The following KITLG variants were observed in gnomAD, a reference collection of about 807,000 sequenced individuals.
The protein encoded by KITLG is KIT ligand.
Under a neutral mutation model 34.1 loss-of-function variants are expected in KITLG, and 13 were observed. The observed-to-expected ratio is 0.38, with a 90% CI of 0.25 to 0.61. The LOEUF is 0.61. Ranked by LOEUF, KITLG falls within the 20% of genes least tolerant of loss-of-function variation. The pLI, the probability that KITLG is intolerant of heterozygous loss-of-function variation, is 0.60. For missense variants in KITLG, 292 were observed against 318.9 expected (o/e 0.92, Z 0.64); for synonymous variants, 110 against 104.0 (o/e 1.06, Z -0.35).
intron 1 of KITLG, among the ~76,000 whole-genome samples, chr12:88,548,912 C>T (rs1240748996): frequency 6.6e-6 from 1 of 152,150 alleles, no homozygotes; most frequent in African/African-American, 2.4e-5. Flanking sequence ...TAACTGTACT[C>T]TTTTCTTTCC....
chr12:88,517,755 G>A (rs1391897962), intron 4 of KITLG, among the ~76,000 whole-genome samples: 1 of 152,106 alleles, frequency 6.6e-6, no homozygotes, highest in Non-Finnish European at 1.5e-5. Context: ...GTAGTGATTG[G>A]ATTATTAGTA....
intron 1 of KITLG, among the ~76,000 whole-genome samples, chr12:88,571,878 C>T (rs370048774): frequency 6.6e-6 from 1 of 152,134 alleles, no homozygotes; most frequent in East Asian, 1.9e-4. Context: ...GTCTCTTTTG[C>T]AATAAACACC....
At chr12:88,530,261 TAACCC>T (rs1247239415) in intron 3 of KITLG, among the ~76,000 whole-genome samples, 1 of 152,166 alleles carries the variant, frequency 6.6e-6, no homozygotes, top group Non-Finnish European at 1.5e-5. Flanking sequence ...TCACTTTCCG[TAACCC>T]AGGGTTAAGA....
chr12:88,555,573 A>ATAGG (rs1337466395), intron 1 of KITLG, among the ~76,000 whole-genome samples: 1 of 152,226 alleles, frequency 6.6e-6, no homozygotes, highest in African/African-American at 2.4e-5. Context: ...CAGAAGGCAT[A>ATAGG]TAGGTCTCTT....
At chr12:88,560,717 C>T (rs1387013887) in intron 1 of KITLG, among the ~76,000 whole-genome samples, 1 of 152,116 alleles carries the variant, frequency 6.6e-6, no homozygotes, top group Non-Finnish European at 1.5e-5. Flanking sequence ...CGCCTGTAAT[C>T]CCAGCACTTT....
chr12:88,575,316 A>G (rs1215191161), intron 1 of KITLG, among the ~76,000 whole-genome samples: 1 of 152,210 alleles, frequency 6.6e-6, no homozygotes. Flanking sequence ...AAATGTAGCC[A>G]AAGGACAAAG....
intron 1 of KITLG, among the ~76,000 whole-genome samples, chr12:88,574,324 G>A (rs1312906191): frequency 1.3e-5 from 2 of 151,940 alleles, no homozygotes; most frequent in African/African-American, 2.4e-5. Flanking sequence ...AAAGGGCTAC[G>A]GCTAGCTGCT....
intron 3 of KITLG, among the ~76,000 whole-genome samples, chr12:88,525,943 G>A (rs1869846802): frequency 6.6e-6 from 1 of 152,192 alleles, no homozygotes; most frequent in African/African-American, 2.4e-5. Flanking sequence ...TGACCACTAA[G>A]ATGGGTTAAG....
chr12:88,528,499 C>CA (rs1421761464), intron 3 of KITLG, among the ~76,000 whole-genome samples: 1 of 151,716 alleles, frequency 6.6e-6, no homozygotes. Flanking sequence ...ATGCAAAAAA[C>CA]AAAAAACAAA....
chr12:88,580,402 C>G lies in KITLG; in HGVS notation c.-124G>C. ...TAGTCCACGCATTGGGTAGCCCGAG[C>G]GCAGCGCCCTCTCCACTGTCCCTGC... On this transcript the variant is annotated 5_prime_UTR_variant, in exon 1 of 10. Transcript: ENST00000644744. 1 of 1,131,634 alleles carries G rather than the reference C, an allele frequency of 8.8e-7. No homozygotes were observed. Among genetic ancestry groups the G allele is most frequent in the South Asian group, 1.3e-5 (1 of 75,678 alleles). 70.1% of individuals were successfully genotyped at this position (1,131,634 alleles called of 1,614,324 possible).
intron 1 of KITLG, among the ~76,000 whole-genome samples, chr12:88,548,792 G>A (rs1441032975): frequency 6.6e-6 from 1 of 152,174 alleles, no homozygotes; most frequent in Non-Finnish European, 1.5e-5. Flanking sequence ...AATTCCCTTG[G>A]AGGAAGTATA....
chr12:88,500,510 A>G lies in KITLG; in HGVS notation c.*38-3329T>C, dbSNP rs1403552345. Reference sequence around the variant, plus strand: ...CAAAGTTATATTAAGCTTTGCATCCATCAATGCACCTGCTAGAGTTTGTTG... The same window carrying G: ...CAAAGTTATATTAAGCTTTGCATCCGTCAATGCACCTGCTAGAGTTTGTTG... On this transcript the variant is annotated intron_variant, in intron 9 of 9. Coordinates refer to ENST00000644744, the MANE Select transcript of KITLG (RefSeq NM_000899.5). Among the ~76,000 whole-genome samples, 7 of 152,362 alleles carry G rather than the reference A, an allele frequency of 4.6e-5. No homozygotes were observed. The East Asian group carries it at 9.6e-4, about 21-fold the overall frequency.
chr12:88,541,979 A>C (rs1870534648), intron 2 of KITLG, among the ~76,000 whole-genome samples: 1 of 152,192 alleles, frequency 6.6e-6, no homozygotes, highest in African/African-American at 2.4e-5. Context: ...TTGAAGGAAT[A>C]ACTGTGAGCA....
chr12:88,515,798 T>C (rs946683420), intron 5 of KITLG, among the ~76,000 whole-genome samples, 181 bp from the exon 6 acceptor site: 8 of 151,754 alleles, frequency 5.3e-5, no homozygotes, highest in Admixed American at 5.3e-4. Flanking sequence ...AATCCACCAT[T>C]ATCACCTTGT....
chr12:88,531,834 A>G (rs1001188272), intron 3 of KITLG, among the ~76,000 whole-genome samples: 1 of 152,146 alleles, frequency 6.6e-6, no homozygotes, highest in South Asian at 2.1e-4. Flanking sequence ...TCAACCAACC[A>G]AAGATGGAAA....
chr12:88,568,928 A>G (rs1308023382), intron 1 of KITLG, among the ~76,000 whole-genome samples: 2 of 152,218 alleles, frequency 1.3e-5, no homozygotes, highest in Admixed American at 1.3e-4. Flanking sequence ...AGGTTAAGGA[A>G]AGATAAATAA....
chr12:88,498,744 G>A (rs1592834344), intron 9 of KITLG, among the ~76,000 whole-genome samples: 1 of 152,120 alleles, frequency 6.6e-6, no homozygotes, highest in South Asian at 2.1e-4. Context: ...GTGTGTTAGT[G>A]CACATCTGTA....
chr12:88,558,245 TTAAATAAA>T (rs375710247), intron 1 of KITLG, among the ~76,000 whole-genome samples: 2,895 of 152,124 alleles, frequency 0.019, 99 homozygotes, highest in African/African-American at 0.066. Context: ...ACAAGACCTT[TTAAATAAA>T]TAAATAAATA....
chr12:88,569,985 A>T (rs1236607407), intron 1 of KITLG, among the ~76,000 whole-genome samples: 1 of 152,206 alleles, frequency 6.6e-6, no homozygotes, highest in Non-Finnish European at 1.5e-5. Context: ...CATAAACGAC[A>T]TTATTATCAA....
Sources: allele counts gnomAD v4.1 joint callset (sites outside exome capture counted in the v4.1 genomes callset), GRCh38; gene constraint gnomAD v4.1.1; transcripts MANE v1.5; gene names NCBI Gene and HGNC (gene_info 2026-07-23, HGNC 2026-07-21).